ITGBL1: variants seen among roughly 807,000 people sequenced by gnomAD.
ITGBL1 encodes integrin beta-like protein 1.
ITGBL1 carries 51 observed loss-of-function variants against 68.5 expected under a neutral mutation model. The ratio of observed to expected loss-of-function variants is 0.74; its 90% confidence interval spans 0.59 to 0.94. The LOEUF is 0.94. ITGBL1 is among the 40% of genes least tolerant of loss of function. The probability of loss-of-function intolerance (pLI) is 0.00; values close to 1 mark genes in which losing one functional copy is unlikely to be tolerated. For synonymous variants in ITGBL1, 209 were observed against 227.3 expected (o/e 0.92, Z 0.72); for missense variants, 649 against 647.4 (o/e 1.00, Z -0.03).
intron 7 of ITGBL1, among the ~76,000 whole-genome samples, chr13:101,638,557 C>T (rs1158123125): frequency 6.6e-6 from 1 of 152,126 alleles, no homozygotes; most frequent in Non-Finnish European, 1.5e-5. Flanking sequence ...GCTGGAGAGG[C>T]CTCACAATCA....
intron 2 of ITGBL1, among the ~76,000 whole-genome samples, chr13:101,505,300 A>AT (rs1210789745): frequency 7.9e-5 from 12 of 152,142 alleles, no homozygotes; most frequent in Non-Finnish European, 1.5e-4. Flanking sequence ...TGTAAATGGA[A>AT]TTTTTTTAAC....
chr13:101,578,002 A>G (rs2050392283), intron 4 of ITGBL1, among the ~76,000 whole-genome samples: 1 of 152,190 alleles, frequency 6.6e-6, no homozygotes, highest in Non-Finnish European at 1.5e-5. Flanking sequence ...ATTTAGACAG[A>G]GAACATGGCA....
intron 7 of ITGBL1, among the ~76,000 whole-genome samples, chr13:101,623,018 T>G (rs2031647738): frequency 6.6e-6 from 1 of 152,084 alleles, no homozygotes; most frequent in Admixed American, 6.6e-5. Flanking sequence ...TATGCTTGTT[T>G]TCTCTAATTG....
At chr13:101,605,801 C>T (rs1293776578) in intron 7 of ITGBL1, among the ~76,000 whole-genome samples, 2 of 106,830 alleles carry the variant, frequency 1.9e-5, no homozygotes, top group East Asian at 2.8e-4. Flanking sequence ...TATATGTACT[C>T]GTGTGTAGAC....
At chr13:101,514,684 A>AC (rs2049168028) in intron 2 of ITGBL1, among the ~76,000 whole-genome samples, 1 of 152,060 alleles carries the variant, frequency 6.6e-6, no homozygotes, top group Non-Finnish European at 1.5e-5. Context: ...TTATTGTCTG[A>AC]ATTTCAATTT....
intron 2 of ITGBL1, among the ~76,000 whole-genome samples, chr13:101,477,771 C>T (rs955062941): frequency 2.0e-5 from 3 of 151,816 alleles, no homozygotes; most frequent in African/African-American, 7.3e-5. Flanking sequence ...AAGATTGAAC[C>T]AAGAAGAAAT....
At chr13:101,623,982 T>TC (rs1325751217) in intron 7 of ITGBL1, among the ~76,000 whole-genome samples, 7 of 152,076 alleles carry the variant, frequency 4.6e-5, no homozygotes, top group Admixed American at 6.6e-5. Context: ...GCTAAACATC[T>TC]CCCCCCACCC....
chr13:101,702,159 A>G (rs1019269264), intron 8 of ITGBL1, among the ~76,000 whole-genome samples: 1 of 152,166 alleles, frequency 6.6e-6, no homozygotes, highest in African/African-American at 2.4e-5. Flanking sequence ...ATTGTTTGTA[A>G]TATTCTATTA....
At chr13:101,525,755 CGTT>C (rs138037911) in intron 2 of ITGBL1, among the ~76,000 whole-genome samples, 240 of 152,086 alleles carry the variant, frequency 1.6e-3, no homozygotes, top group Non-Finnish European at 3.0e-3. Context: ...AAAACATTCT[CGTT>C]GTGTAACATT....
intron 7 of ITGBL1, among the ~76,000 whole-genome samples, chr13:101,677,550 G>A (rs1050205972): frequency 2.6e-5 from 4 of 152,112 alleles, no homozygotes; most frequent in Non-Finnish European, 4.4e-5. Flanking sequence ...GGTAGATAGG[G>A]AATTCTCTCG....
chr13:101,610,857 TTG>T (rs2031093962), intron 7 of ITGBL1, among the ~76,000 whole-genome samples: 1 of 152,124 alleles, frequency 6.6e-6, no homozygotes, highest in African/African-American at 2.4e-5. Flanking sequence ...TTTGCTCAAT[TTG>T]TGTGCAAATA....
At chr13:101,617,346 A>G (rs977248112) in intron 7 of ITGBL1, among the ~76,000 whole-genome samples, 1 of 152,030 alleles carries the variant, frequency 6.6e-6, no homozygotes, top group African/African-American at 2.4e-5. Flanking sequence ...ATAATTGGTA[A>G]CAAGCAGAAG....
rs559920087 is a variant in ITGBL1, at chr13:101,619,766, T to A, written c.1015+21467T>A. On this transcript the variant is annotated intron_variant, in intron 7 of 10. Coordinates refer to ENST00000376180, the MANE Select transcript of ITGBL1 (RefSeq NM_004791.3). ...TCCCATGTATTTTGAAAAGCTTTTTTACAAAAAATCTGAAAAAGAATTATG... is the reference window on the plus strand; with the variant it reads ...TCCCATGTATTTTGAAAAGCTTTTTAACAAAAAATCTGAAAAAGAATTATG... 3.3e-5 allele frequency among the ~76,000 whole-genome samples: 5 copies of A among 152,314 alleles called. No individual in the cohort carries two copies. In the East Asian group the frequency reaches 9.7e-4, roughly 29 times the overall value.
At chr13:101,658,698 G>A (rs1186164000) in intron 7 of ITGBL1, among the ~76,000 whole-genome samples, 1 of 152,074 alleles carries the variant, frequency 6.6e-6, no homozygotes, top group Non-Finnish European at 1.5e-5. Flanking sequence ...TGGCATAAAA[G>A]TGCTAATGAC....
chr13:101,463,403 C>T (rs1251904245), intron 2 of ITGBL1, among the ~76,000 whole-genome samples: 1 of 152,120 alleles, frequency 6.6e-6, no homozygotes, highest in African/African-American at 2.4e-5. Context: ...CACTGCCAGC[C>T]GTCTGAGTCT....
chr13:101,525,876 G>A (rs945383410), intron 2 of ITGBL1, among the ~76,000 whole-genome samples: 4 of 151,774 alleles, frequency 2.6e-5, no homozygotes, highest in African/African-American at 9.7e-5. Context: ...TATGGGTTTT[G>A]ATATGTGGTA....
At chr13:101,492,140 A>G (rs951638831) in intron 2 of ITGBL1, among the ~76,000 whole-genome samples, 2 of 152,178 alleles carry the variant, frequency 1.3e-5, no homozygotes, top group African/African-American at 2.4e-5. Flanking sequence ...TCCTTTGGGT[A>G]TATTCCCAGT....
intron 6 of ITGBL1, among the ~76,000 whole-genome samples, chr13:101,597,526 G>A (rs1418407443): frequency 6.7e-6 from 1 of 149,898 alleles, no homozygotes; most frequent in African/African-American, 2.5e-5. Context: ...ACTCCTTTCC[G>A]TTTTTTCTTT....
intron 2 of ITGBL1, among the ~76,000 whole-genome samples, chr13:101,512,970 G>T (rs994559673): frequency 5.3e-5 from 8 of 152,048 alleles, no homozygotes; most frequent in African/African-American, 1.9e-4. Flanking sequence ...TTTGTCTGGG[G>T]CTTCTTTCTT....
Sources: gnomAD v4.1 joint callset for allele counts (sites outside exome capture counted in the v4.1 genomes callset) on GRCh38, gnomAD v4.1.1 for gene constraint, MANE v1.5 for transcripts, NCBI Gene and HGNC (gene_info 2026-07-23, HGNC 2026-07-21) for gene names.